ATP11C: variants seen among roughly 807,000 people sequenced by gnomAD.
The protein encoded by ATP11C is phospholipid-transporting ATPase IG.
Under a neutral mutation model 97.4 loss-of-function variants are expected in ATP11C, and 36 were observed. The observed-to-expected ratio is 0.37, with a 90% CI of 0.28 to 0.49. ATP11C has a LOEUF of 0.49. Among genes scored for constraint, ATP11C ranks in the 20% least tolerant of loss-of-function variants. The probability of loss-of-function intolerance (pLI) is 0.98; values close to 1 mark genes in which losing one functional copy is unlikely to be tolerated. For missense variants in ATP11C, 730 were observed against 824.6 expected (o/e 0.89, Z 1.40); for synonymous variants, 275 against 290.9 (o/e 0.95, Z 0.56).
At chrX:139,812,864 T>C (rs758284230) in intron 5 of ATP11C, among the ~76,000 whole-genome samples, 3 of 112,064 alleles carry the variant, frequency 2.7e-5, no homozygotes, top group Non-Finnish European at 5.6e-5. Flanking sequence ...GTTTCTACAG[T>C]TGTTTCAAAA....
At chrX:139,921,379 C>T (rs1363243768) in intron 1 of ATP11C, among the ~76,000 whole-genome samples, 1 of 111,430 alleles carries the variant, frequency 9.0e-6, no homozygotes, top group Admixed American at 9.6e-5. Flanking sequence ...TTCCCCCCTT[C>T]ACTCGGCACT....
At chrX:139,784,765 C>T (rs2082538351) in intron 16 of ATP11C, among the ~76,000 whole-genome samples, 1 of 111,163 alleles carries the variant, frequency 9.0e-6, no homozygotes, top group African/African-American at 3.3e-5. Flanking sequence ...CTCTCTACCT[C>T]ACCTGTTTCC....
intron 1 of ATP11C, among the ~76,000 whole-genome samples, chrX:139,904,494 C>T (rs982984447): frequency 5.4e-5 from 6 of 111,654 alleles, no homozygotes; most frequent in Middle Eastern, 4.6e-3. Flanking sequence ...CACCACTGCA[C>T]TCCAGACTGG....
At chrX:139,879,197 C>T (rs746672184) in intron 1 of ATP11C, among the ~76,000 whole-genome samples, 1 of 111,212 alleles carries the variant, frequency 9.0e-6, no homozygotes, top group East Asian at 2.9e-4. Flanking sequence ...AAATCAGTAT[C>T]TTGAAGGGAT....
At chrX:139,898,552 C>T (rs993278228) in intron 1 of ATP11C, among the ~76,000 whole-genome samples, 4 of 110,860 alleles carry the variant, frequency 3.6e-5, no homozygotes, top group Non-Finnish European at 5.7e-5. Context: ...GATGAGTAGA[C>T]GTGGGGATGA....
chrX:139,777,954 C>G (rs770551756), intron 18 of ATP11C, among the ~76,000 whole-genome samples: 3 of 109,380 alleles, frequency 2.7e-5, no homozygotes, highest in Non-Finnish European at 3.8e-5. Context: ...CTTCTGGGCT[C>G]AAGCAATCCT....
rs2081291378 is a variant in ATP11C, at chrX:139,728,939, C to T, written c.*27G>A. On this transcript the variant is annotated 3_prime_UTR_variant, in exon 30 of 30. Coordinates refer to ENST00000682941, the MANE Select transcript of ATP11C (RefSeq NM_001353812.2). ...TGTCAGTATGCTTGTAGGACAATAA[C>T]ATAGGCAGTTCAAGATTCGGATTCT... The T allele has an allele frequency of 8.3e-7, 1 of 1,201,971 alleles. No homozygotes were observed. Among genetic ancestry groups the T allele is most frequent in the South Asian group, 1.8e-5 (1 of 55,981 alleles).
At chrX:139,923,808 T>C (rs2085304393) in intron 1 of ATP11C, among the ~76,000 whole-genome samples, 2 of 111,540 alleles carry the variant, frequency 1.8e-5, no homozygotes, top group African/African-American at 3.3e-5. Context: ...CATAACAAAT[T>C]TGTTAATTTT....
At chrX:139,753,720 A>T (rs1373871281) in intron 23 of ATP11C, among the ~76,000 whole-genome samples, 2 of 111,306 alleles carry the variant, frequency 1.8e-5, no homozygotes, top group African/African-American at 3.3e-5. Flanking sequence ...AGGCAGGAGA[A>T]ATCACCTGAA....
At chrX:139,729,949 C>CT (rs1325614380) in intron 29 of ATP11C, among the ~76,000 whole-genome samples, 23 of 111,245 alleles carry the variant, frequency 2.1e-4, no homozygotes, top group African/African-American at 7.5e-4. Context: ...TCAGGTAGCT[C>CT]TGCAGGGTCA....
In ATP11C at chrX:139,899,829, C is replaced by T. The variant is rs149511573; in HGVS notation, c.27+32187G>A. On this transcript the variant is annotated intron_variant, in intron 1 of 29. Coordinates refer to ENST00000682941, the MANE Select transcript of ATP11C (RefSeq NM_001353812.2). Reference sequence around the variant, plus strand: ...ACATATCAGAAAGAGAATCAATGAGCCCTGGACACCTGTTGTACAAGAAAG... The same window carrying T: ...ACATATCAGAAAGAGAATCAATGAGTCCTGGACACCTGTTGTACAAGAAAG... 6.6e-3 allele frequency among the ~76,000 whole-genome samples: 737 copies of T among 111,563 alleles called. 3 individuals are homozygous for T. The highest frequency in any genetic ancestry group is 0.023 in the African/African-American group (694 of 30,653).
intron 1 of ATP11C, among the ~76,000 whole-genome samples, chrX:139,858,787 T>C (rs746163382): frequency 1.1e-4 from 12 of 112,294 alleles, no homozygotes; most frequent in African/African-American, 2.6e-4. Context: ...AGCTGATTCA[T>C]AGTGATATGA....
intron 14 of ATP11C, among the ~76,000 whole-genome samples, chrX:139,787,815 G>C (rs1344951104): frequency 1.8e-5 from 2 of 112,109 alleles, no homozygotes; most frequent in Middle Eastern, 4.6e-3. Context: ...TAATTATCTT[G>C]AACCTCATGG....
intron 19 of ATP11C, among the ~76,000 whole-genome samples, chrX:139,772,204 C>A (rs1487508834): frequency 8.9e-6 from 1 of 112,637 alleles, no homozygotes. Context: ...CAAGCCTTGG[C>A]AGCTTCCACA....
chrX:139,819,290 A>G, intron 3 of ATP11C, 48 bp downstream of exon 3: 1 of 586,336 alleles, frequency 1.7e-6, no homozygotes, highest in Non-Finnish European at 2.6e-6. Flanking sequence ...AATTCGTTTA[A>G]AGCAATCAAG....
At chrX:139,751,965 T>C (rs1280479842) in intron 23 of ATP11C, among the ~76,000 whole-genome samples, 1 of 111,600 alleles carries the variant, frequency 9.0e-6, no homozygotes, top group African/African-American at 3.3e-5. Context: ...ACTCCAAAGA[T>C]ATTTGCAATA....
At chrX:139,729,506 C>T (rs753165389) in intron 29 of ATP11C, among the ~76,000 whole-genome samples, 13 of 111,432 alleles carry the variant, frequency 1.2e-4, no homozygotes, top group Non-Finnish European at 2.5e-4. Context: ...AGCATATTTC[C>T]CCCCTACAAT....
In ATP11C at chrX:139,728,588, T is replaced by C. The variant is rs1186350000; in HGVS notation, c.*378A>G. 5.8e-6 allele frequency: 1 copy of C among 172,038 alleles called. No homozygotes were observed. The highest frequency in any genetic ancestry group is 1.1e-5 in the Non-Finnish European group (1 of 93,029). The allele number at this position is 172,038 out of a possible 1,213,427, so 14.2% of individuals were successfully genotyped here. A position where few individuals can be genotyped will look rare whatever the true frequency, so the allele number is the denominator to read the frequency against. ...GCAAAATCTATTCATTCTCATTGCA[T>C]AACTTCTACTTCATACTATTGTATT... On this transcript the variant is annotated 3_prime_UTR_variant, in exon 30 of 30. Transcript: ENST00000682941.
intron 1 of ATP11C, among the ~76,000 whole-genome samples, chrX:139,859,422 T>C (rs1453191132): frequency 8.9e-6 from 1 of 112,448 alleles, no homozygotes; most frequent in Non-Finnish European, 1.9e-5. Flanking sequence ...ACACATTGTA[T>C]ACATGTATTG....
Sources: allele counts gnomAD v4.1 joint callset (sites outside exome capture counted in the v4.1 genomes callset), GRCh38; gene constraint gnomAD v4.1.1; transcripts MANE v1.5; gene names NCBI Gene and HGNC (gene_info 2026-07-23, HGNC 2026-07-21).